AGBL4: variants seen among roughly 807,000 people sequenced by gnomAD.
AGBL4 encodes AGBL carboxypeptidase 4, also known as cytosolic carboxypeptidase 6.
A neutral mutation model predicts 66.4 loss-of-function variants in AGBL4; 58 were observed. The ratio of observed to expected loss-of-function variants is 0.87; its 90% CI spans 0.71 to 1.09. AGBL4 has a LOEUF of 1.09. Among genes scored for constraint, AGBL4 ranks in the 50% least tolerant of loss-of-function variants. The probability of loss-of-function intolerance (pLI) is 0.00; values close to 1 mark genes in which losing one functional copy is unlikely to be tolerated. For missense variants in AGBL4, 579 were observed against 631.0 expected, an observed-to-expected ratio of 0.92 and a Z score of 0.88; for synonymous variants, 234 against 222.9, an observed-to-expected ratio of 1.05 and a Z score of -0.44.
intron 6 of AGBL4, among the ~76,000 whole-genome samples, chr1:48,752,557 T>C (rs1312891656): frequency 6.6e-6 from 1 of 152,170 alleles, no homozygotes; most frequent in Admixed American, 6.5e-5. Flanking sequence ...TCATCCAGGG[T>C]TGACCAAAGA....
chr1:49,407,321 C>T (rs920873205), intron 3 of AGBL4, among the ~76,000 whole-genome samples: 1 of 151,978 alleles, frequency 6.6e-6, no homozygotes, highest in African/African-American at 2.4e-5. Context: ...CATTGCTTAG[C>T]AGACTGCCTG....
chr1:48,621,193 A>G (rs928590455), intron 9 of AGBL4, among the ~76,000 whole-genome samples: 1 of 152,184 alleles, frequency 6.6e-6, no homozygotes, highest in African/African-American at 2.4e-5. Context: ...GAATATGGGG[A>G]GCCTTCTGGG....
chr1:48,725,613 T>C (rs1275730400), intron 6 of AGBL4, among the ~76,000 whole-genome samples: 2 of 152,322 alleles, frequency 1.3e-5, no homozygotes, highest in African/African-American at 4.8e-5. Context: ...CCACTCATCT[T>C]TCAGGGAAGA....
At chr1:48,813,642 C>A (rs1412768360) in intron 6 of AGBL4, among the ~76,000 whole-genome samples, 1 of 152,124 alleles carries the variant, frequency 6.6e-6, no homozygotes, top group African/African-American at 2.4e-5. Flanking sequence ...GCTCAAATTT[C>A]CAGCTAAGAG....
chr1:49,738,372 T>C (rs1328102934), intron 2 of AGBL4, among the ~76,000 whole-genome samples: 1 of 152,194 alleles, frequency 6.6e-6, no homozygotes, highest in Non-Finnish European at 1.5e-5. Context: ...GCGCTCACCA[T>C]TGCCCAGGCT....
chr1:49,574,328 G>A (rs564663258), intron 3 of AGBL4, among the ~76,000 whole-genome samples: 7 of 152,226 alleles, frequency 4.6e-5, no homozygotes, highest in South Asian at 2.1e-4. Context: ...TGCAGCTCAC[G>A]GAGTTAAAAA....
At chr1:49,244,812 C>T (rs1250664206) in intron 4 of AGBL4, among the ~76,000 whole-genome samples, 1 of 151,772 alleles carries the variant, frequency 6.6e-6, no homozygotes, top group Admixed American at 6.6e-5. Context: ...TCTTAACAGG[C>T]ATTCACTTAA....
intron 5 of AGBL4, among the ~76,000 whole-genome samples, chr1:48,878,345 C>T (rs1404294005): frequency 2.0e-5 from 3 of 152,076 alleles, no homozygotes; most frequent in Non-Finnish European, 4.4e-5. Context: ...GTTTTCTGGC[C>T]CCAGCTTTGC....
rs1647775551 is a variant in AGBL4, at chr1:49,202,349, A to T, written c.377+43421T>A. 3.3e-5 allele frequency among the ~76,000 whole-genome samples: 5 copies of T among 152,180 alleles called. No individual in the cohort carries two copies. The South Asian group carries it at 1.0e-3, about 31-fold the overall frequency. On this transcript the variant is annotated intron_variant, in intron 4 of 13. Transcript: ENST00000371839. Reference sequence around the variant, plus strand: ...TCTTGAAAAAGAGGAGCAAAGCTGGAGACCTCACACTTCCTGAGTGAAAAA... The same window carrying T: ...TCTTGAAAAAGAGGAGCAAAGCTGGTGACCTCACACTTCCTGAGTGAAAAA...
chr1:49,373,581 G>A (rs1644411136), intron 3 of AGBL4, among the ~76,000 whole-genome samples: 1 of 152,028 alleles, frequency 6.6e-6, no homozygotes, highest in South Asian at 2.1e-4. Context: ...AAGGGCAATA[G>A]TACAAAACAG....
intron 4 of AGBL4, among the ~76,000 whole-genome samples, chr1:49,119,961 G>A (rs1645617188): frequency 6.6e-6 from 1 of 152,066 alleles, no homozygotes; most frequent in African/African-American, 2.4e-5. Flanking sequence ...TTTGGTCTTT[G>A]TTGGTTTAAA....
At chr1:49,584,267 T>C (rs944770169) in intron 3 of AGBL4, among the ~76,000 whole-genome samples, 2 of 152,184 alleles carry the variant, frequency 1.3e-5, no homozygotes, top group African/African-American at 4.8e-5. Context: ...TGTTGGTCTT[T>C]GACATTAGTT....
chr1:48,802,237 G>C (rs1254166755), intron 6 of AGBL4, among the ~76,000 whole-genome samples: 2 of 152,054 alleles, frequency 1.3e-5, no homozygotes, highest in African/African-American at 4.8e-5. Flanking sequence ...TCCCAGCATG[G>C]ATTTCTCACT....
intron 3 of AGBL4, among the ~76,000 whole-genome samples, chr1:49,258,116 TAACA>T (rs1372207368): frequency 6.6e-6 from 1 of 152,020 alleles, no homozygotes; most frequent in Non-Finnish European, 1.5e-5. Context: ...AAAGGAAAAC[TAACA>T]AACAGAAAGG....
At chr1:49,938,928 G>A (rs1445142947) in intron 1 of AGBL4, among the ~76,000 whole-genome samples, 2 of 152,018 alleles carry the variant, frequency 1.3e-5, no homozygotes, top group Non-Finnish European at 2.9e-5. Context: ...CTTTGCAGAC[G>A]ACATGATTGT....
intron 4 of AGBL4, among the ~76,000 whole-genome samples, chr1:49,116,236 ATACTT>A (rs1645518421): frequency 6.6e-6 from 1 of 152,192 alleles, no homozygotes; most frequent in African/African-American, 2.4e-5. Flanking sequence ...TTTTTTTATT[ATACTT>A]TAAGTTCTAG....
At chr1:48,973,623 G>T (rs1431841314) in intron 5 of AGBL4, among the ~76,000 whole-genome samples, 1 of 152,106 alleles carries the variant, frequency 6.6e-6, no homozygotes, top group Admixed American at 6.6e-5. Flanking sequence ...AGCTATAACA[G>T]GCAGCAAACT....
At chr1:49,600,222 C>T (rs1314249097) in intron 3 of AGBL4, among the ~76,000 whole-genome samples, 1 of 152,126 alleles carries the variant, frequency 6.6e-6, no homozygotes, top group African/African-American at 2.4e-5. Flanking sequence ...GTTAAAGACT[C>T]CCACTATTAT....
chr1:49,427,248 G>C lies in AGBL4; in HGVS notation c.283-181384C>G, dbSNP rs190381341. 2.1e-3 allele frequency among the ~76,000 whole-genome samples: 317 copies of C among 152,216 alleles called. 3 individuals carry two copies. The highest frequency in any genetic ancestry group is 7.2e-3 in the African/African-American group (301 of 41,532). On this transcript the variant is annotated intron_variant, in intron 3 of 13. Transcript: ENST00000371839. The stretch of plus-strand genomic sequence containing the variant: ...ATCTTGCTAAGTAAACAGACTTTTT[G>C]TTCTGCTGAGCACCTCAAAGGTGGG...
Sources: allele counts gnomAD v4.1 joint callset (sites outside exome capture counted in the v4.1 genomes callset), GRCh38; gene constraint gnomAD v4.1.1; transcripts MANE v1.5; gene names NCBI Gene and HGNC (gene_info 2026-07-23, HGNC 2026-07-21).